ZC4H2: variants seen among roughly 807,000 people sequenced by gnomAD.
The protein encoded by ZC4H2 is zinc finger C4H2-type containing.
For synonymous variants in ZC4H2, 84 were observed against 66.3 expected (o/e 1.27, Z -1.30); for missense variants, 137 against 173.9 (o/e 0.79, Z 1.19).
At chrX:64,934,241 TGTG>T (rs1929887007) in intron 1 of ZC4H2, among the ~76,000 whole-genome samples, 1 of 112,512 alleles carries the variant, frequency 8.9e-6, no homozygotes, top group Non-Finnish European at 1.9e-5. Context: ...TCCTTAAACA[TGTG>T]GAATATTCTC....
chrX:64,966,838 G>A (rs1931609310), intron 1 of ZC4H2, among the ~76,000 whole-genome samples: 1 of 111,609 alleles, frequency 9.0e-6, no homozygotes, highest in African/African-American at 3.3e-5. Context: ...AGCTAATTTT[G>A]GAATGATGGA....
intron 1 of ZC4H2, among the ~76,000 whole-genome samples, chrX:64,957,820 C>A (rs1159016365): frequency 9.0e-6 from 1 of 110,627 alleles, no homozygotes; most frequent in African/African-American, 3.3e-5. Context: ...CATGATCATG[C>A]CCCTGCACTC....
intron 1 of ZC4H2, among the ~76,000 whole-genome samples, chrX:64,960,196 G>GA (rs1035089616): frequency 2.7e-5 from 3 of 110,502 alleles, no homozygotes; most frequent in East Asian, 2.8e-4. Flanking sequence ...TCCTTCAATT[G>GA]AAAAAAATGG....
chrX:64,929,065 T>C (rs943566510), intron 1 of ZC4H2, among the ~76,000 whole-genome samples: 2 of 109,572 alleles, frequency 1.8e-5, no homozygotes, highest in Admixed American at 2.0e-4. Flanking sequence ...TTTTTGTGTT[T>C]TCTTTTTAGT....
chrX:65,023,150 T>C (rs968403178), intron 1 of ZC4H2, among the ~76,000 whole-genome samples: 5 of 111,640 alleles, frequency 4.5e-5, no homozygotes, highest in Non-Finnish European at 9.4e-5. Context: ...GGGCTCTTTT[T>C]TGGTTCCATA....
At chrX:64,934,811 C>T (rs1929918381) in intron 1 of ZC4H2, among the ~76,000 whole-genome samples, 1 of 112,103 alleles carries the variant, frequency 8.9e-6, no homozygotes, top group African/African-American at 3.2e-5. Flanking sequence ...AAATACTGTG[C>T]TTTTCCCACA....
intron 2 of ZC4H2, among the ~76,000 whole-genome samples, chrX:64,921,380 G>A (rs905419790): frequency 4.5e-5 from 5 of 111,468 alleles, no homozygotes; most frequent in African/African-American, 1.6e-4. Flanking sequence ...GTTTCCAAAG[G>A]ATATATCAAT....
upstream of ZC4H2, among the ~76,000 whole-genome samples, chrX:64,979,506 T>C (rs187502716): frequency 6.0e-4 from 68 of 112,566 alleles, no homozygotes; most frequent in African/African-American, 2.2e-3. Context: ...CTTGACCTCC[T>C]TGAGAACAGA....
intron 1 of ZC4H2, among the ~76,000 whole-genome samples, chrX:64,973,706 T>A (rs1256708208): frequency 2.7e-5 from 3 of 111,497 alleles, no homozygotes; most frequent in Non-Finnish European, 3.8e-5. Context: ...TATTTCTTCA[T>A]TGGAGAATGT....
At chrX:65,025,312 G>T (rs1415237223) in intron 1 of ZC4H2, among the ~76,000 whole-genome samples, 1 of 109,741 alleles carries the variant, frequency 9.1e-6, no homozygotes, top group African/African-American at 3.3e-5. Flanking sequence ...TGTCTGGCTA[G>T]TTTTTTTAAA....
chrX:64,922,797 T>A (rs1024637882), intron 1 of ZC4H2, among the ~76,000 whole-genome samples: 9 of 112,368 alleles, frequency 8.0e-5, no homozygotes, highest in African/African-American at 2.9e-4. Context: ...ACTTGTGATG[T>A]GGCCAGTGCT....
At chrX:64,968,073 G>C (rs1437955162) in intron 1 of ZC4H2, among the ~76,000 whole-genome samples, 1 of 111,875 alleles carries the variant, frequency 8.9e-6, no homozygotes, top group Non-Finnish European at 1.9e-5. Flanking sequence ...ATCTATCTAA[G>C]TGACAGGAAC....
In ZC4H2 at chrX:64,960,217, C is replaced by G. The variant is rs1260265342; in HGVS notation, c.53+16108G>C. On this transcript the variant is annotated intron_variant, in intron 1 of 4. Coordinates refer to ENST00000374839, the MANE Select transcript of ZC4H2 (RefSeq NM_018684.4). ...AATTGAAAAAAATGGAGCCATGACT[C>G]TGGGGAAGCCAAGGTATCAAAATTT... Among the ~76,000 whole-genome samples, 3 of 110,585 alleles carry G rather than the reference C, an allele frequency of 2.7e-5. No individual in the cohort carries two copies. The East Asian group carries it at 8.5e-4, about 31-fold the overall frequency.
In ZC4H2 at chrX:64,919,153, G is replaced by T. The variant is rs1388052176; in HGVS notation, c.450C>A (p.Pro150=). The T allele has an allele frequency of 1.3e-5, 16 of 1,210,531 alleles. No homozygotes were observed. Among genetic ancestry groups the T allele is most frequent in the Non-Finnish European group, 1.8e-5 (16 of 894,768 alleles). Residue 150 remains proline, a synonymous_variant, in exon 4 of 5, where the codon CCC becomes CCA. Transcript: ENST00000374839. ...CTGCAGCGGCCAGGGACTCAGGGATGGGGGGCTCCTGAGGTTCTGTCTGCC... is the reference window on the plus strand; with the variant it reads ...CTGCAGCGGCCAGGGACTCAGGGATTGGGGGCTCCTGAGGTTCTGTCTGCC... The part of the protein sequence containing the change: ...AEWQTEPQEP[P]IPESLAAAAA...
chrX:65,016,332 G>A (rs189806827), intron 1 of ZC4H2, among the ~76,000 whole-genome samples: 1 of 111,862 alleles, frequency 8.9e-6, no homozygotes, highest in East Asian at 2.8e-4. Context: ...AAAAGAGACA[G>A]ATGCAGCTGA....
At chrX:64,939,882 C>T (rs1411956942) in intron 1 of ZC4H2, among the ~76,000 whole-genome samples, 1 of 111,806 alleles carries the variant, frequency 8.9e-6, no homozygotes, top group African/African-American at 3.3e-5. Context: ...GCACAGACTT[C>T]ATGTCCAAAA....
chrX:64,951,072 T>C (rs1313524400), intron 1 of ZC4H2, among the ~76,000 whole-genome samples: 2 of 111,262 alleles, frequency 1.8e-5, no homozygotes, highest in Non-Finnish European at 1.9e-5. Flanking sequence ...TTTTTTGTCC[T>C]TGCGATAGTT....
chrX:64,973,137 A>T (rs1405419525), intron 1 of ZC4H2, among the ~76,000 whole-genome samples: 1 of 111,212 alleles, frequency 9.0e-6, no homozygotes, highest in African/African-American at 3.3e-5. Context: ...CAAGGTATTT[A>T]GACTATTTGT....
chrX:64,999,416 T>A (rs1325144707), intron 1 of ZC4H2, among the ~76,000 whole-genome samples: 3 of 112,431 alleles, frequency 2.7e-5, no homozygotes, highest in Non-Finnish European at 5.6e-5. Flanking sequence ...GCACAGATAC[T>A]ATGCTTTGCC....
Sources: allele counts gnomAD v4.1 joint callset (sites outside exome capture counted in the v4.1 genomes callset), GRCh38; gene constraint gnomAD v4.1.1; transcripts MANE v1.5; gene names NCBI Gene and HGNC (gene_info 2026-07-23, HGNC 2026-07-21).